Variants in SDK1 observed in about 807,000 individuals in gnomAD.
The protein encoded by SDK1 is protein sidekick-1.
In SDK1, 157 loss-of-function variants were observed where a neutral mutation model predicts 245.5. That is an observed-to-expected ratio of 0.64 (90% CI 0.56 to 0.73). The LOEUF is 0.73. Ranked by LOEUF, SDK1 falls within the 30% of genes least tolerant of loss-of-function variation. SDK1 has a pLI of 0.00. For missense variants in SDK1, 3,583 were observed against 3,002.3 expected, an observed-to-expected ratio of 1.19 and a Z score of -4.52; for synonymous variants, 1,647 against 1,278.5, an observed-to-expected ratio of 1.29 and a Z score of -6.15.
intron 21 of SDK1, among the ~76,000 whole-genome samples, chr7:4,078,183 G>A (rs1483537251): frequency 3.3e-5 from 5 of 152,134 alleles, no homozygotes; most frequent in Non-Finnish European, 5.9e-5. Context: ...TTGCTGTTCC[G>A]TCATTGCCAA....
intron 4 of SDK1, among the ~76,000 whole-genome samples, chr7:3,804,862 T>C (rs544578803): frequency 1.3e-5 from 2 of 152,314 alleles, no homozygotes; most frequent in East Asian, 3.9e-4. Context: ...ATTGCTATTA[T>C]AGAGAAATAC....
intron 1 of SDK1, among the ~76,000 whole-genome samples, chr7:3,616,806 C>G (rs1312098107): frequency 2.0e-5 from 3 of 152,170 alleles, no homozygotes; most frequent in Non-Finnish European, 4.4e-5. Context: ...TCAGTGTTAA[C>G]ATTTCTAATG....
chr7:4,180,792 G>A (rs533992194), intron 35 of SDK1, among the ~76,000 whole-genome samples: 13 of 152,232 alleles, frequency 8.5e-5, no homozygotes, highest in African/African-American at 3.1e-4. Flanking sequence ...GCAAGAGGGA[G>A]GTGCCACACA....
At chr7:3,815,325 G>T (rs1254919775) in intron 4 of SDK1, among the ~76,000 whole-genome samples, 1 of 104,040 alleles carries the variant, frequency 9.6e-6, no homozygotes, top group Non-Finnish European at 1.9e-5. Flanking sequence ...TAGCATGAAG[G>T]GTTGTTGAAT....
At chr7:4,040,038 C>G (rs761854029) in intron 17 of SDK1, among the ~76,000 whole-genome samples, 8 of 152,108 alleles carry the variant, frequency 5.3e-5, no homozygotes, top group Non-Finnish European at 1.0e-4. Flanking sequence ...GAGAGGAAGA[C>G]GCTGAAGCAC....
intron 1 of SDK1, among the ~76,000 whole-genome samples, chr7:3,505,287 C>A (rs779671721): frequency 6.6e-6 from 1 of 152,076 alleles, no homozygotes; most frequent in Non-Finnish European, 1.5e-5. Context: ...CACTCTGTCA[C>A]CCAGTTTAGA....
intron 1 of SDK1, among the ~76,000 whole-genome samples, chr7:3,360,574 G>T (rs1780924373): frequency 6.6e-6 from 1 of 152,162 alleles, no homozygotes; most frequent in Admixed American, 6.5e-5. Context: ...AATTGCTGAT[G>T]AAAGATACAA....
At chr7:3,500,456 T>G (rs1181798315) in intron 1 of SDK1, among the ~76,000 whole-genome samples, 3 of 152,196 alleles carry the variant, frequency 2.0e-5, no homozygotes, top group African/African-American at 7.2e-5. Context: ...CCTCACTTAT[T>G]TGAAAGTATT....
At chr7:3,820,218 C>T (rs574498682) in intron 4 of SDK1, among the ~76,000 whole-genome samples, 3 of 152,276 alleles carry the variant, frequency 2.0e-5, no homozygotes, top group Non-Finnish European at 4.4e-5. Context: ...GGCGTGATCT[C>T]AGCTCACTTC....
chr7:3,546,489 G>A (rs1779230371), intron 1 of SDK1, among the ~76,000 whole-genome samples: 1 of 152,200 alleles, frequency 6.6e-6, no homozygotes, highest in Admixed American at 6.5e-5. Flanking sequence ...TGAGAATCAT[G>A]GACACTTGTT....
Position 3,733,298 on chromosome 7 carries a change from T to C in SDK1, c.714-88152T>C, listed in dbSNP as rs190969680. Among the ~76,000 whole-genome samples, 278 of 152,348 alleles carry C rather than the reference T, an allele frequency of 1.8e-3. 3 individuals carry two copies. Among genetic ancestry groups the C allele is most frequent in the African/African-American group, 6.2e-3 (258 of 41,578 alleles). ...TTTTGCAGGATGACATGGAAACAGA[T>C]ACTATAATTGGGAAGCCTCCTAAAT... On this transcript the variant is annotated intron_variant, in intron 4 of 44. Coordinates refer to ENST00000404826, the MANE Select transcript of SDK1 (RefSeq NM_152744.4).
chr7:3,667,122 G>A (rs1212933970), intron 4 of SDK1, among the ~76,000 whole-genome samples: 1 of 152,122 alleles, frequency 6.6e-6, no homozygotes, highest in Non-Finnish European at 1.5e-5. Context: ...ATTGTAATAT[G>A]TCTTGTGCAT....
At chr7:4,102,756 C>T (rs546044116) in intron 22 of SDK1, among the ~76,000 whole-genome samples, 35 of 152,182 alleles carry the variant, frequency 2.3e-4, no homozygotes, top group African/African-American at 8.4e-4. Flanking sequence ...GGCCCACTGG[C>T]GCCAAACCCC....
At chr7:3,874,837 T>C (rs927828436) in intron 5 of SDK1, among the ~76,000 whole-genome samples, 1 of 152,186 alleles carries the variant, frequency 6.6e-6, no homozygotes, top group African/African-American at 2.4e-5. Flanking sequence ...TTAAAGCTTT[T>C]GTTCTTCCAG....
chr7:3,332,158 G>T (rs73046682), intron 1 of SDK1, among the ~76,000 whole-genome samples: 1 of 152,078 alleles, frequency 6.6e-6, no homozygotes, highest in Non-Finnish European at 1.5e-5. Flanking sequence ...GAGATGTTTG[G>T]AGATTTAAAC....
chr7:4,194,398 A>G (rs1403780800), intron 35 of SDK1, among the ~76,000 whole-genome samples: 2 of 110,864 alleles, frequency 1.8e-5, no homozygotes, highest in Admixed American at 8.5e-5. Flanking sequence ...ATGTATACAT[A>G]TATGTATGCA....
intron 1 of SDK1, among the ~76,000 whole-genome samples, chr7:3,329,088 C>T (rs1050828335): frequency 2.0e-5 from 3 of 152,036 alleles, no homozygotes; most frequent in Non-Finnish European, 2.9e-5. Context: ...TAAGTAGGTA[C>T]GTCTTTAAAT....
chr7:3,963,494 C>A (rs1285683535), intron 9 of SDK1, among the ~76,000 whole-genome samples: 1 of 63,888 alleles, frequency 1.6e-5, no homozygotes, highest in African/African-American at 1.3e-4. Context: ...CACTCAGCCC[C>A]ATGGCTACCT....
chr7:3,582,230 C>G (rs1780523087), intron 1 of SDK1, among the ~76,000 whole-genome samples: 1 of 151,674 alleles, frequency 6.6e-6, no homozygotes, highest in African/African-American at 2.4e-5. Context: ...GTAGGTCTGT[C>G]TCAGGTAGGT....
Sources: allele counts gnomAD v4.1 joint callset (sites outside exome capture counted in the v4.1 genomes callset), GRCh38; gene constraint gnomAD v4.1.1; transcripts MANE v1.5; gene names NCBI Gene and HGNC (gene_info 2026-07-23, HGNC 2026-07-21).